Variants in MACROD1 observed in about 807,000 individuals in gnomAD.
MACROD1 encodes the protein ADP-ribose glycohydrolase MACROD1.
In MACROD1, 31 loss-of-function variants were observed where a neutral mutation model predicts 41.4. That is an observed-to-expected ratio of 0.75 (90% CI 0.56 to 1.01). The LOEUF (loss-of-function observed/expected upper bound fraction) is 1.01. Among genes scored for constraint, MACROD1 ranks in the 50% least tolerant of loss-of-function variants. MACROD1 has a pLI of 0.00. For missense variants in MACROD1, 473 were observed against 460.0 expected (o/e 1.03, Z -0.26); for synonymous variants, 252 against 203.4 (o/e 1.24, Z -2.03).
At position 64,068,188 on chromosome 11, in the gene MACROD1, G is replaced by T. The variant is rs372231800; in HGVS notation, c.518-52907C>A. 2.0e-5 allele frequency among the ~76,000 whole-genome samples: 3 copies of T among 152,220 alleles called. No homozygotes were observed. In the East Asian group the frequency reaches 5.8e-4, roughly 29 times the overall value. ...CAGGACTCACGCTTCGGGAGTGTTGGCAACGGTTCTGCCTTCTGTTCAGGT... is the reference window on the plus strand; with the variant it reads ...CAGGACTCACGCTTCGGGAGTGTTGTCAACGGTTCTGCCTTCTGTTCAGGT... On this transcript the variant is annotated intron_variant, in intron 3 of 10. Transcript: ENST00000255681.
intron 3 of MACROD1, among the ~76,000 whole-genome samples, chr11:64,070,191 C>T (rs964993532): frequency 1.3e-5 from 2 of 152,118 alleles, no homozygotes; most frequent in Non-Finnish European, 2.9e-5. Context: ...GCTGGTTGGG[C>T]GACAGAGATG....
chr11:64,022,265 G>A (rs975932522), intron 3 of MACROD1, among the ~76,000 whole-genome samples: 15 of 152,046 alleles, frequency 9.9e-5, no homozygotes, highest in African/African-American at 3.4e-4. Context: ...TGCAGTGTCC[G>A]GGTGACCCCT....
intron 3 of MACROD1, among the ~76,000 whole-genome samples, chr11:64,114,119 C>T (rs1206469524): frequency 1.7e-5 from 2 of 116,604 alleles, no homozygotes; most frequent in African/African-American, 3.4e-5. Context: ...TGGATGGATG[C>T]AAGGACTGGT....
intron 3 of MACROD1, among the ~76,000 whole-genome samples, chr11:64,092,540 C>T (rs906429335): frequency 6.6e-6 from 1 of 152,210 alleles, no homozygotes. Context: ...TCAGAGACCG[C>T]GTGTGGTCAT....
chr11:64,009,608 G>A (rs1192978650), intron 4 of MACROD1, among the ~76,000 whole-genome samples: 2 of 152,208 alleles, frequency 1.3e-5, no homozygotes, highest in African/African-American at 4.8e-5. Context: ...GACTTCCCCA[G>A]GACTCACTGC....
In MACROD1 at chr11:64,134,561, A is replaced by T. The variant is rs189448001; in HGVS notation, c.517+16678T>A. 5.3e-5 allele frequency among the ~76,000 whole-genome samples: 8 copies of T among 152,296 alleles called. No homozygotes were observed. In the East Asian group the frequency reaches 1.3e-3, roughly 26 times the overall value. On this transcript the variant is annotated intron_variant, in intron 3 of 10. Transcript: ENST00000255681. ...GAGGAGCCCTGTTTACCTGGCATGA[A>T]GCAAGTATTTCCAGGCACCTACTAC... is the stretch of plus-strand genomic sequence containing the variant.
chr11:64,008,522 T>C (rs1320641222), intron 4 of MACROD1, among the ~76,000 whole-genome samples: 1 of 151,254 alleles, frequency 6.6e-6, no homozygotes, highest in Non-Finnish European at 1.5e-5. Flanking sequence ...AAGGTGAAAC[T>C]AGGCGGGAGG....
chr11:64,005,737 C>T (rs571553592), intron 4 of MACROD1, among the ~76,000 whole-genome samples: 1 of 152,368 alleles, frequency 6.6e-6, no homozygotes, highest in South Asian at 2.1e-4. Flanking sequence ...TTCCTTTGCC[C>T]TGTCATGCTT....
chr11:64,040,204 G>A (rs1943458875), intron 3 of MACROD1, among the ~76,000 whole-genome samples: 1 of 152,156 alleles, frequency 6.6e-6, no homozygotes, highest in Admixed American at 6.5e-5. Flanking sequence ...TCCCCGTGAA[G>A]CCTTGGCTCT....
intron 3 of MACROD1, 125 bp downstream of exon 3, chr11:64,151,114 G>A: frequency 1.3e-6 from 1 of 758,772 alleles, no homozygotes; most frequent in Admixed American, 2.1e-5. Context: ...GGCGCCAGCA[G>A]GCTGTCCTTG....
intron 3 of MACROD1, chr11:64,117,604 T>C: frequency 6.2e-7 from 1 of 1,613,700 alleles, no homozygotes; most frequent in Non-Finnish European, 8.5e-7. Flanking sequence ...GTGAAGGCCC[T>C]GACGGCAGAC....
chr11:64,101,705 C>T (rs777142765), intron 3 of MACROD1, among the ~76,000 whole-genome samples: 7 of 152,222 alleles, frequency 4.6e-5, no homozygotes, highest in Non-Finnish European at 1.0e-4. Context: ...CCTCCCGCCG[C>T]GTGCAGGGAC....
chr11:64,078,147 C>T (rs1489793859), intron 3 of MACROD1, among the ~76,000 whole-genome samples: 1 of 152,228 alleles, frequency 6.6e-6, no homozygotes. Flanking sequence ...TTCCTCTCAA[C>T]CTCAACCCTC....
rs549269899 is a variant in MACROD1 at position 64,108,667 on chromosome 11, G to A, written c.517+42572C>T. On this transcript the variant is annotated intron_variant, in intron 3 of 10. Transcript: ENST00000255681. ...GACTGGGGTCCCACTGGCCTTTCCCGCTCTGGGGCTGAGAAACTGCTTCTG... is the reference window on the plus strand; with the variant it reads ...GACTGGGGTCCCACTGGCCTTTCCCACTCTGGGGCTGAGAAACTGCTTCTG... 3.3e-5 allele frequency among the ~76,000 whole-genome samples: 5 copies of A among 152,326 alleles called. No homozygotes were observed. The East Asian group carries it at 7.7e-4, about 23-fold the overall frequency.
chr11:64,010,916 TGGC>T (rs1315019414), intron 4 of MACROD1, among the ~76,000 whole-genome samples: 1 of 143,406 alleles, frequency 7.0e-6, no homozygotes, highest in Non-Finnish European at 1.5e-5. Context: ...GTTGGGGTGT[TGGC>T]CAGGGTGTTG....
chr11:64,090,773 G>A lies in MACROD1; in HGVS notation c.517+60466C>T, dbSNP rs931668739. On this transcript the variant is annotated intron_variant, in intron 3 of 10. Coordinates refer to ENST00000255681, the MANE Select transcript of MACROD1 (RefSeq NM_014067.4). The surrounding 1 kb of genome is among the most constrained non-coding windows in gnomAD (Gnocchi z 4.7). ...ACTAAAAGGGGGGCGGGGTGGCGGC[G>A]TCTCTCCACCAGGCACTTGGGGTTT... Among the ~76,000 whole-genome samples the A allele has an allele frequency of 3.2e-4, 48 of 152,104 alleles. No individual in the cohort carries two copies. The highest frequency in any genetic ancestry group is 5.1e-4 in the Non-Finnish European group (35 of 67,990).
Position 64,159,724 on chromosome 11 carries a change from G to A in MACROD1, c.298+5973C>T, listed in dbSNP as rs964387371. 2.0e-5 allele frequency among the ~76,000 whole-genome samples: 3 copies of A among 152,044 alleles called. No homozygotes were observed. The South Asian group carries it at 6.2e-4, about 32-fold the overall frequency. Reference sequence around the variant, plus strand: ...CAGGATAATTGCCTGAACCCAGGAGGCAGAGGTTGTGGTGAGCCGAGATTG... The same window carrying A: ...CAGGATAATTGCCTGAACCCAGGAGACAGAGGTTGTGGTGAGCCGAGATTG... On this transcript the variant is annotated intron_variant, in intron 1 of 10. Transcript: ENST00000255681.
chr11:64,107,044 C>T (rs1361950467), intron 3 of MACROD1, among the ~76,000 whole-genome samples: 1 of 152,184 alleles, frequency 6.6e-6, no homozygotes, highest in Admixed American at 6.5e-5. Flanking sequence ...CCACCATGCC[C>T]AGCTAATTTT....
intron 3 of MACROD1, among the ~76,000 whole-genome samples, chr11:64,045,386 A>C (rs1943565250): frequency 1.3e-5 from 2 of 152,220 alleles, no homozygotes; most frequent in Admixed American, 1.3e-4. Flanking sequence ...GGACCTGGGC[A>C]TGTTGATAAT....
Sources: gnomAD v4.1 joint callset for allele counts (sites outside exome capture counted in the v4.1 genomes callset) on GRCh38, gnomAD v4.1.1 for gene constraint, Gnocchi (gnomAD v3.1) non-coding constraint, MANE v1.5 for transcripts, NCBI Gene and HGNC (gene_info 2026-07-23, HGNC 2026-07-21) for gene names.